The following MARCO variants were observed in gnomAD, a reference collection of about 807,000 sequenced individuals.
The protein encoded by MARCO is macrophage receptor MARCO.
Under a neutral mutation model 70.0 loss-of-function variants are expected in MARCO, and 72 were observed. That is an observed-to-expected ratio of 1.03 (90% CI 0.85 to 1.25). The LOEUF (loss-of-function observed/expected upper bound fraction) is 1.25, where lower values mean the gene tolerates loss of function less well. MARCO is among the 50% of genes most tolerant of loss of function. The probability of loss-of-function intolerance (pLI) is 0.00; values close to 1 mark genes in which losing one functional copy is unlikely to be tolerated. For synonymous variants in MARCO, 273 were observed against 243.1 expected (o/e 1.12, Z -1.14); for missense variants, 696 against 659.3 (o/e 1.06, Z -0.61).
chr2:118,977,318 AAGAGAGAGAG>A (rs60485337), intron 6 of MARCO, among the ~76,000 whole-genome samples, 143 bp from the exon 7 acceptor site: 7 of 146,846 alleles, frequency 4.8e-5, no homozygotes, highest in African/African-American at 1.7e-4. Flanking sequence ...GTGTGTGAAA[AAGAGAGAGAG>A]AGAGAGAGTG....
chr2:118,978,801 C>A (rs1215286100), intron 8 of MARCO, among the ~76,000 whole-genome samples: 1 of 152,118 alleles, frequency 6.6e-6, no homozygotes, highest in African/African-American at 2.4e-5. Flanking sequence ...AAATACATGA[C>A]AACTAGTAAT....
At chr2:118,977,637 C>G (rs1435968662) in intron 7 of MARCO, 122 bp downstream of exon 7, 3 of 888,834 alleles carry the variant, frequency 3.4e-6, no homozygotes, top group Non-Finnish European at 5.4e-6. Flanking sequence ...TACTGCCCAC[C>G]CTACAGTCCT....
chr2:118,992,853 C>T (rs1365791019), intron 15 of MARCO, among the ~76,000 whole-genome samples: 1 of 151,526 alleles, frequency 6.6e-6, no homozygotes, highest in East Asian at 2.0e-4. Flanking sequence ...CTCTCCACAA[C>T]ACATGACAAG....
At chr2:118,973,321 A>C (rs1179056463) in intron 4 of MARCO, among the ~76,000 whole-genome samples, 1 of 151,994 alleles carries the variant, frequency 6.6e-6, no homozygotes, top group Non-Finnish European at 1.5e-5. Context: ...ATGTATGTAC[A>C]TAGAGAAAAT....
rs368340994 is a variant in MARCO at position 118,969,239 on chromosome 2, C to T, written c.177C>T (p.Gly59=). 5.4e-5 allele frequency: 87 copies of T among 1,614,120 alleles called. 1 individual carries two copies. The East Asian group carries it at 8.0e-4, about 15-fold the overall frequency. The change falls in exon 2 of 17, where the codon GGC becomes GGT. Residue 59 remains glycine (G), a synonymous_variant. Coordinates refer to ENST00000327097, the MANE Select transcript of MARCO (RefSeq NM_006770.4). ...VVIYLILLTA[G]AGLLVVQVLN... is the part of the protein sequence containing the mutation. ...TCTACCTGATCCTGCTCACCGCTGG[C>T]GCTGGGCTGCTGGTGGTCCAAGGTA...
At chr2:118,976,356 A>C (rs1680283901) in intron 6 of MARCO, among the ~76,000 whole-genome samples, 1 of 152,080 alleles carries the variant, frequency 6.6e-6, no homozygotes, top group Admixed American at 6.5e-5. Context: ...CTTGGGCCCC[A>C]CTGGCATCCT....
At chr2:118,988,624 T>C (rs1680560031) in intron 12 of MARCO, among the ~76,000 whole-genome samples, 1 of 152,030 alleles carries the variant, frequency 6.6e-6, no homozygotes, top group African/African-American at 2.4e-5. Flanking sequence ...ATGTGGACTG[T>C]TTTCTACTTC....
intron 12 of MARCO, among the ~76,000 whole-genome samples, chr2:118,990,313 CG>C (rs532336581): frequency 1.3e-5 from 2 of 152,168 alleles, no homozygotes; most frequent in East Asian, 1.9e-4. Context: ...GTCAGGTTAC[CG>C]GGGGGCAGGG....
At chr2:118,977,099 C>T (rs1268885218) in intron 6 of MARCO, among the ~76,000 whole-genome samples, 2 of 152,144 alleles carry the variant, frequency 1.3e-5, no homozygotes, top group Non-Finnish European at 2.9e-5. Flanking sequence ...TCCATCTTGC[C>T]AGATGGGATT....
At chr2:118,952,951 G>T (rs1443767523) in intron 1 of MARCO, 4 of 152,216 alleles carry the variant, frequency 2.6e-5, no homozygotes, top group African/African-American at 9.7e-5. Context: ...CAGAAAGGGT[G>T]CTCAATTGCA....
intron 12 of MARCO, among the ~76,000 whole-genome samples, chr2:118,986,765 GAAAGA>G (rs1415118724): frequency 6.6e-6 from 1 of 151,346 alleles, no homozygotes; most frequent in Non-Finnish European, 1.5e-5. Flanking sequence ...AAAGAAGAAA[GAAAGA>G]AAAGAAAGAG....
intron 1 of MARCO, among the ~76,000 whole-genome samples, chr2:118,960,721 G>GT (rs971674246): frequency 5.0e-4 from 76 of 151,830 alleles, no homozygotes; most frequent in African/African-American, 1.7e-3. Flanking sequence ...TTTTATGCAA[G>GT]TTTTTTTTGA....
At chr2:118,942,516 G>A (rs957362572) in intron 1 of MARCO, 119 bp downstream of exon 1, 12 of 745,692 alleles carry the variant, frequency 1.6e-5, no homozygotes, top group South Asian at 8.4e-5. Flanking sequence ...CATTTTGCAC[G>A]TAATCATCAC....
Position 118,974,436 on chromosome 2 carries a change from A to G in MARCO, c.564A>G (p.Ala188=). The G allele has an allele frequency of 6.2e-7, 1 of 1,612,890 alleles. No homozygotes were observed. The highest frequency in any genetic ancestry group is 8.5e-7 in the Non-Finnish European group (1 of 1,179,552). The change falls in exon 5 of 17, where the codon GCA becomes GCG. Residue 188 remains alanine, a synonymous_variant. Coordinates refer to ENST00000327097, the MANE Select transcript of MARCO (RefSeq NM_006770.4). ...GAKGAMGRDG[A]TGPSGPQGPP... ...AGGGGGCTATGGGACGAGATGGAGC[A>G]ACAGGTACGGGTCTTTTTCTTCTGA... is the stretch of plus-strand genomic sequence containing the variant.
intron 1 of MARCO, among the ~76,000 whole-genome samples, chr2:118,964,479 T>C (rs1454693424): frequency 6.6e-6 from 1 of 152,212 alleles, no homozygotes; most frequent in Non-Finnish European, 1.5e-5. Context: ...CACAGTGTAT[T>C]TTTATTGGCA....
In MARCO at chr2:118,978,504, G is replaced by A. The variant is rs1467966818; in HGVS notation, c.766+569G>A. On this transcript the variant is annotated intron_variant, in intron 8 of 16. Transcript: ENST00000327097. ...GCTTATGGGCTCTGGACTTGACTGA[G>A]CATGCCACGCTCTCCGCCTCTCAGC... Among the ~76,000 whole-genome samples, 4 of 152,192 alleles carry A rather than the reference G, an allele frequency of 2.6e-5. No individual in the cohort carries two copies. In the East Asian group the frequency reaches 7.7e-4, roughly 29 times the overall value.
chr2:118,943,865 G>T (rs192534635), intron 1 of MARCO, among the ~76,000 whole-genome samples: 1 of 152,184 alleles, frequency 6.6e-6, no homozygotes, highest in Non-Finnish European at 1.5e-5. Context: ...GGAAGGGGCC[G>T]ATGTGGGGCT....
rs1259255298 is a variant in MARCO at position 118,977,833 on chromosome 2, C to A, written c.664C>A (p.Pro222Thr). Reference sequence around the variant, plus strand: ...ACCAGCCATTCTCTTTGCAGGCACCCCAGGACCCCAAGGAGAGAAGGGCAG... The same window carrying A: ...ACCAGCCATTCTCTTTGCAGGCACCACAGGACCCCAAGGAGAGAAGGGCAG... ...APGKQGATGT[P>T]GPQGEKGSKG... Residue 222 changes from proline to threonine, a missense_variant, in exon 8 of 17, where the codon CCA becomes ACA. Around this residue, in one of 3 missense-constraint regions of MARCO, gnomAD observed 605 missense variants for 537.6 expected, o/e 1.13. Coordinates refer to ENST00000327097, the MANE Select transcript of MARCO (RefSeq NM_006770.4). The A allele has an allele frequency of 1.2e-6, 2 of 1,611,228 alleles. No homozygotes were observed. The highest frequency in any genetic ancestry group is 1.7e-5 in the Admixed American group (1 of 59,780).
At chr2:118,990,841 C>T (rs554355889) in intron 13 of MARCO, among the ~76,000 whole-genome samples, 2 of 152,096 alleles carry the variant, frequency 1.3e-5, no homozygotes, top group East Asian at 3.9e-4. Flanking sequence ...AGGGGTGTAG[C>T]GTATGGGGCA....
Sources: gnomAD v4.1 joint callset for allele counts (sites outside exome capture counted in the v4.1 genomes callset) on GRCh38, gnomAD v4.1.1 for gene constraint, gnomAD v4.1.1 regional missense constraint, MANE v1.5 for transcripts, NCBI Gene and HGNC (gene_info 2026-07-23, HGNC 2026-07-21) for gene names.